The following LTBP2 variants were observed in gnomAD, a reference collection of about 807,000 sequenced individuals.
LTBP2 encodes the protein latent transforming growth factor beta binding protein 2, also known as latent-transforming growth factor beta-binding protein 2.
LTBP2 carries 103 observed loss-of-function variants against 210.6 expected under a neutral mutation model. The ratio of observed to expected loss-of-function variants is 0.49; its 90% CI spans 0.42 to 0.58. The LOEUF (loss-of-function observed/expected upper bound fraction) is 0.58, where lower values mean the gene tolerates loss of function less well. Among genes scored for constraint, LTBP2 ranks in the 20% least tolerant of loss-of-function variants. LTBP2 has a pLI of 0.00. For synonymous variants in LTBP2, 1,007 were observed against 1,015.0 expected (o/e 0.99, Z 0.15); for missense variants, 2,313 against 2,494.5 (o/e 0.93, Z 1.55).
rs1488085809 is a variant in LTBP2 at position 74,551,362 on chromosome 14, G to T, written c.1400-12C>A. ...GGGGTTCACGGAGGCTGGGCACAGGGGCTAGAGTCAGAGCCAGGGAAGCAG... is the reference window on the plus strand; with the variant it reads ...GGGGTTCACGGAGGCTGGGCACAGGTGCTAGAGTCAGAGCCAGGGAAGCAG... On this transcript the variant is annotated splice_polypyrimidine_tract_variant and intron_variant, in intron 6 of 35. Transcript: ENST00000261978. 6 of 1,551,068 alleles carry T rather than the reference G, an allele frequency of 3.9e-6. No individual in the cohort carries two copies. Among genetic ancestry groups the T allele is most frequent in the Admixed American group, 3.7e-5 (2 of 54,020 alleles).
At chr14:74,509,505 G>T in intron 21 of LTBP2, 142 bp from the exon 22 acceptor site, 1 of 1,288,264 alleles carries the variant, frequency 7.8e-7, no homozygotes, top group Non-Finnish European at 1.1e-6. Context: ...GGACAGCCCT[G>T]CCCTCAGCTT....
At chr14:74,511,475 G>C in intron 18 of LTBP2, 111 bp from the exon 19 acceptor site, 1 of 1,363,436 alleles carries the variant, frequency 7.3e-7, no homozygotes, top group Non-Finnish European at 1.0e-6. Context: ...GGGATGGACA[G>C]AGGGAAACTA....
rs772270239 is a variant in LTBP2 at position 74,551,322 on chromosome 14, C to T, written c.1428G>A (p.Val476=). Residue 476 remains valine (V), a synonymous_variant, in exon 7 of 36, where the codon GTG becomes GTA. Transcript: ENST00000261978. ...AGGCCTCGGGTGGGTGGTGAATGTG[C>T]ACCTTCACCAGGGAGGGGTTCACGG... ...LASVNPSLVK[V]HIHHPPEASV... is the part of the protein sequence containing the mutation. The T allele has an allele frequency of 3.1e-6, 5 of 1,587,380 alleles. No homozygotes were observed. The Admixed American group carries it at 8.6e-5, about 27-fold the overall frequency.
intron 8 of LTBP2, among the ~76,000 whole-genome samples, chr14:74,540,971 G>A (rs1293737770): frequency 7.2e-6 from 1 of 138,642 alleles, no homozygotes; most frequent in African/African-American, 2.7e-5. Flanking sequence ...GTTAAATTCA[G>A]GTTAAATCTC....
chr14:74,584,649 C>G (rs1001617069), intron 3 of LTBP2, among the ~76,000 whole-genome samples: 8 of 152,208 alleles, frequency 5.3e-5, no homozygotes, highest in African/African-American at 1.9e-4. Flanking sequence ...TGGGCCTTGG[C>G]TGCAGGGTTT....
chr14:74,509,115 C>T lies in LTBP2; in HGVS notation c.3403+123G>A. On this transcript the variant is annotated intron_variant, in intron 22 of 35. Transcript: ENST00000261978. ...ACAGCTGGGACAAGCTTGTGAGCGA[C>T]TCTTGGGGAGCGGGATGATGGCAGC... is the stretch of plus-strand genomic sequence containing the variant. 8 of 1,579,726 alleles carry T rather than the reference C, an allele frequency of 5.1e-6. 1 individual carries two copies. In the South Asian group the frequency reaches 7.8e-5, roughly 15 times the overall value.
chr14:74,510,619 T>C (rs1566616830), intron 19 of LTBP2, among the ~76,000 whole-genome samples: 1 of 152,196 alleles, frequency 6.6e-6, no homozygotes, highest in Non-Finnish European at 1.5e-5. Context: ...AAGCAGCTTC[T>C]GCGGGTGGGC....
In LTBP2 at chr14:74,522,890, G is replaced by A; in HGVS notation, c.2559C>T (p.Thr853=). The change falls in exon 16 of 36, where the codon ACC becomes ACT. Residue 853 remains threonine (T), a synonymous_variant. Transcript: ENST00000261978. ...PGIDRCAAGA[T]NVCGPGTCVN... is the part of the protein sequence containing the mutation. ...CGCAGGTTCCAGGGCCACAGACGTT[G>A]GTGGCTCCAGCAGCGCATCTGTCAA... is the stretch of plus-strand genomic sequence containing the variant. 6.2e-7 allele frequency: 1 copy of A among 1,612,484 alleles called. No individual in the cohort carries two copies. Among genetic ancestry groups the A allele is most frequent in the East Asian group, 2.2e-5 (1 of 44,866 alleles).
chr14:74,512,399 G>A (rs1011625640), intron 18 of LTBP2, among the ~76,000 whole-genome samples: 2 of 152,330 alleles, frequency 1.3e-5, no homozygotes, highest in South Asian at 2.1e-4. Flanking sequence ...TCTACTGCCC[G>A]AGAGGAGGAC....
rs2087650469 is a variant in LTBP2, at chr14:74,551,181, G to C, written c.1569C>G (p.Leu523=). ...PWLPASPGHS[L]WDSNNIPARS... ...GAGCAGGGATGTTGTTGCTGTCCCA[G>C]AGGCTGTGGCCAGGGCTGGCAGGCA... Residue 523 remains leucine, a synonymous_variant, in exon 7 of 36, where the codon CTC becomes CTG. Transcript: ENST00000261978. 6.2e-7 allele frequency: 1 copy of C among 1,613,798 alleles called. No homozygotes were observed. Among genetic ancestry groups the C allele is most frequent in the African/African-American group, 1.3e-5 (1 of 74,936 alleles).
At chr14:74,523,405 C>T (rs1424934531) in intron 15 of LTBP2, among the ~76,000 whole-genome samples, 1 of 151,902 alleles carries the variant, frequency 6.6e-6, no homozygotes, top group African/African-American at 2.4e-5. Flanking sequence ...TTGAGACTGG[C>T]CTGTAACAAG....
At chr14:74,595,317 G>A (rs1399642619) in intron 2 of LTBP2, among the ~76,000 whole-genome samples, 4 of 152,206 alleles carry the variant, frequency 2.6e-5, no homozygotes, top group South Asian at 2.1e-4. Context: ...CAATCCCACC[G>A]GCTCCAGCAG....
chr14:74,522,761 A>C, intron 16 of LTBP2, 29 bp downstream of exon 16: 1 of 1,602,152 alleles, frequency 6.2e-7, no homozygotes, highest in Non-Finnish European at 8.5e-7. Context: ...CCCAGCCGCC[A>C]AGTAAGCCCA....
Position 74,498,714 on chromosome 14 carries a change from T to G in LTBP2, c.*2170A>C. On this transcript the variant is annotated 3_prime_UTR_variant, in exon 36 of 36. Transcript: ENST00000261978. ...CCAGCAGGATATATTTGGGGGATGG[T>G]AAGTTCTCCGATGGTGAGGTATAAG... 4.3e-6 allele frequency: 1 copy of G among 232,434 alleles called. No individual in the cohort carries two copies. The highest frequency in any genetic ancestry group is 6.1e-5 in the East Asian group (1 of 16,478). The allele number at this position is 232,434 out of a possible 1,614,324, so 14.4% of individuals were successfully genotyped here. A position where few individuals can be genotyped will look rare whatever the true frequency, so the allele number is the denominator to read the frequency against.
Position 74,611,480 on chromosome 14 carries a change from G to T in LTBP2, c.465C>A (p.Pro155=). 2 of 1,494,500 alleles carry T rather than the reference G, an allele frequency of 1.3e-6. No homozygotes were observed. Among genetic ancestry groups the T allele is most frequent in the Non-Finnish European group, 8.8e-7 (1 of 1,135,292 alleles). 92.6% of individuals were successfully genotyped at this position (1,494,500 alleles called of 1,614,324 possible). Residue 155 remains proline (P), a synonymous_variant, in exon 1 of 36, where the codon CCC becomes CCA. Coordinates refer to ENST00000261978, the MANE Select transcript of LTBP2 (RefSeq NM_000428.3). Reference sequence around the variant, plus strand: ...TGAGCCGCCCTCGCGGCGGGGTTGGGGGCGCAGCCCCAGACCGCTGTGGGG... The same window carrying T: ...TGAGCCGCCCTCGCGGCGGGGTTGGTGGCGCAGCCCCAGACCGCTGTGGGG... The part of the protein sequence containing the change: ...LGTPQRSGAA[P]PTPPRGRLTG...
intron 21 of LTBP2, 96 bp downstream of exon 21, chr14:74,509,638 C>T (rs547590849): frequency 9.0e-6 from 14 of 1,560,358 alleles, no homozygotes; most frequent in Admixed American, 5.3e-5. Flanking sequence ...TGGAGCCCCT[C>T]GGCATCAGCC....
chr14:74,574,100 A>G (rs2088023169), intron 3 of LTBP2, among the ~76,000 whole-genome samples: 1 of 152,216 alleles, frequency 6.6e-6, no homozygotes, highest in African/African-American at 2.4e-5. Context: ...AACCACACAT[A>G]CAATCGAAAA....
rs200624982 is a variant in LTBP2, at chr14:74,611,514, C to A, written c.431G>T (p.Arg144Leu). Residue 144 changes from arginine (R) to leucine (L), a missense_variant, in exon 1 of 36, where the codon CGC (arginine) becomes CTC (leucine). By Grantham distance (102) the Arg-to-Leu change is moderately radical (BLOSUM62 -2). Coordinates refer to ENST00000261978, the MANE Select transcript of LTBP2 (RefSeq NM_000428.3). ...CCCAGACCGCTGTGGGGTCCCCAGGCGTGGGAGAGCCGGCGCGGCCCGGGT... is the reference window on the plus strand; with the variant it reads ...CCCAGACCGCTGTGGGGTCCCCAGGAGTGGGAGAGCCGGCGCGGCCCGGGT... ...PRTRAAPALP[R>L]LGTPQRSGAA... is the part of the protein sequence containing the mutation. The A allele has an allele frequency of 6.9e-5, 106 of 1,535,462 alleles. 2 individuals are homozygous for A. The Middle Eastern group carries it at 1.3e-3, about 19-fold the overall frequency.
At chr14:74,507,026 T>C (rs1342056181) in intron 26 of LTBP2, among the ~76,000 whole-genome samples, 153 bp downstream of exon 26, 3 of 152,256 alleles carry the variant, frequency 2.0e-5, no homozygotes, top group Non-Finnish European at 4.4e-5. Flanking sequence ...CACAGTCCTG[T>C]GGCATCTTTC....
Sources: allele counts gnomAD v4.1 joint callset (sites outside exome capture counted in the v4.1 genomes callset), GRCh38; gene constraint gnomAD v4.1.1; transcripts MANE v1.5; gene names NCBI Gene and HGNC (gene_info 2026-07-23, HGNC 2026-07-21).